MLIP: variants seen among roughly 807,000 people sequenced by gnomAD.
MLIP encodes muscular LMNA interacting protein, also known as muscular LMNA-interacting protein.
In MLIP, 79 loss-of-function variants were observed where a neutral mutation model predicts 84.8. The observed-to-expected ratio is 0.93, with a 90% CI of 0.78 to 1.12. The LOEUF is 1.12. MLIP is among the 50% of genes most tolerant of loss of function. MLIP has a pLI of 0.00. For missense variants in MLIP, 1,257 were observed against 1,160.6 expected (o/e 1.08, Z -1.21); for synonymous variants, 504 against 463.0 (o/e 1.09, Z -1.14).
chr6:54,212,584 C>A (rs1209996728), intron 11 of MLIP, among the ~76,000 whole-genome samples: 1 of 152,174 alleles, frequency 6.6e-6, no homozygotes, highest in East Asian at 1.9e-4. Context: ...CATGGGCTTG[C>A]CCCCGCCCCT....
intron 4 of MLIP, among the ~76,000 whole-genome samples, chr6:54,143,279 G>A (rs527373723): frequency 2.0e-5 from 3 of 150,050 alleles, no homozygotes; most frequent in East Asian, 3.9e-4. Flanking sequence ...GTGCAATGGC[G>A]CAATCTCGGC....
chr6:54,065,907 T>A (rs1452424557), intron 1 of MLIP, among the ~76,000 whole-genome samples: 1 of 99,986 alleles, frequency 1.0e-5, no homozygotes, highest in African/African-American at 2.6e-5. Flanking sequence ...TAGTCTTTTT[T>A]TTGATAAACT....
chr6:54,221,497 A>G (rs1040455891), intron 11 of MLIP, among the ~76,000 whole-genome samples: 1 of 152,048 alleles, frequency 6.6e-6, no homozygotes, highest in African/African-American at 2.4e-5. Context: ...CAAAATGGGC[A>G]GGTTGAATTC....
At chr6:54,246,287 C>A (rs771926886) in intron 12 of MLIP, among the ~76,000 whole-genome samples, 1 of 152,124 alleles carries the variant, frequency 6.6e-6, no homozygotes, top group Non-Finnish European at 1.5e-5. Flanking sequence ...AAGTCCAACA[C>A]TGGAAAATCT....
At chr6:54,021,821 C>G (rs1473154815) in intron 1 of MLIP, among the ~76,000 whole-genome samples, 1 of 152,164 alleles carries the variant, frequency 6.6e-6, no homozygotes, top group Non-Finnish European at 1.5e-5. Flanking sequence ...TGAAATTTCT[C>G]ATAATTTGGT....
At chr6:54,206,454 C>G (rs1214549195) in intron 11 of MLIP, among the ~76,000 whole-genome samples, 1 of 151,838 alleles carries the variant, frequency 6.6e-6, no homozygotes, top group Non-Finnish European at 1.5e-5. Context: ...CACTTTCCAG[C>G]ATGTATGCCT....
chr6:54,239,366 TA>T (rs1781572875), intron 12 of MLIP, among the ~76,000 whole-genome samples: 7 of 146,730 alleles, frequency 4.8e-5, no homozygotes, highest in South Asian at 4.2e-4. Flanking sequence ...CATATATATA[TA>T]ATATATATAT....
chr6:54,164,425 A>C (rs1037259353), intron 8 of MLIP, among the ~76,000 whole-genome samples: 2 of 151,944 alleles, frequency 1.3e-5, no homozygotes, highest in Admixed American at 1.3e-4. Flanking sequence ...CCTGTATTAC[A>C]TTCTTTGTTG....
intron 11 of MLIP, among the ~76,000 whole-genome samples, chr6:54,225,659 A>C (rs1184485020): frequency 6.6e-6 from 1 of 152,234 alleles, no homozygotes; most frequent in Admixed American, 6.5e-5. Context: ...AACAGAACTC[A>C]GTAGAACATT....
chr6:54,181,900 T>C (rs1776909674), intron 9 of MLIP, among the ~76,000 whole-genome samples: 1 of 152,206 alleles, frequency 6.6e-6, no homozygotes. Flanking sequence ...CAAAGTCCTC[T>C]TTACTCTTCA....
rs557472382 is a variant in MLIP at position 54,124,753 on chromosome 6, C to T, written c.533C>T (p.Ser178Leu). 3.3e-5 allele frequency: 54 copies of T among 1,614,214 alleles called. No individual in the cohort carries two copies. The South Asian group carries it at 3.8e-4, about 11-fold the overall frequency. Reference sequence around the variant, plus strand: ...GTCCGGCCCAAGTCTCTAGCTATCTCGTCCAGTCTGGTCTCTGATGTAGTG... The same window carrying T: ...GTCCGGCCCAAGTCTCTAGCTATCTTGTCCAGTCTGGTCTCTGATGTAGTG... Reference protein sequence around the residue: ...AAVRPKSLAISSSLVSDVVRP... With the variant: ...AAVRPKSLAILSSLVSDVVRP... The change falls in exon 3 of 14, where the codon TCG becomes TTG. Residue 178 changes from serine (S) to leucine (L), a missense_variant. By Grantham distance (145) the Ser-to-Leu change is moderately radical (BLOSUM62 -2). Coordinates refer to ENST00000502396, the MANE Select transcript of MLIP (RefSeq NM_001281747.2).
At chr6:54,105,531 A>G (rs1768947313) in intron 1 of MLIP, among the ~76,000 whole-genome samples, 1 of 152,234 alleles carries the variant, frequency 6.6e-6, no homozygotes. Flanking sequence ...TGCTACAGAA[A>G]TAGCAGTAAC....
Position 54,136,944 on chromosome 6 carries a change from G to A in MLIP, c.875G>A (p.Gly292Asp). ...AHSTPFSASK[G>D]TSSTLLFPHS... ...TCTACACCCTTTTCTGCATCGAAGG[G>A]CACCTCCTCGACGTTACTGTTTCCC... is the stretch of plus-strand genomic sequence containing the variant. The change falls in exon 4 of 14, where the codon GGC becomes GAC. Residue 292 changes from glycine to aspartate, a missense_variant. Gly to Asp is a moderately conservative substitution (Grantham distance 94). Coordinates refer to ENST00000502396, the MANE Select transcript of MLIP (RefSeq NM_001281747.2). The A allele has an allele frequency of 1.3e-6, 2 of 1,535,918 alleles. No homozygotes were observed. Among genetic ancestry groups the A allele is most frequent in the Non-Finnish European group, 1.7e-6 (2 of 1,146,832 alleles).
intron 11 of MLIP, among the ~76,000 whole-genome samples, chr6:54,228,232 C>T (rs1259210863): frequency 5.4e-5 from 7 of 129,800 alleles, no homozygotes; most frequent in Admixed American, 1.5e-4. Context: ...AAAAAAGAAA[C>T]AGGAGATCGA....
intron 9 of MLIP, among the ~76,000 whole-genome samples, chr6:54,187,731 T>C (rs1227391782): frequency 2.0e-5 from 3 of 152,282 alleles, no homozygotes; most frequent in South Asian, 2.1e-4. Context: ...TGCTTAACTA[T>C]AGGGAGATGG....
At chr6:54,164,251 A>G (rs1277944831) in intron 8 of MLIP, among the ~76,000 whole-genome samples, 2 of 151,872 alleles carry the variant, frequency 1.3e-5, no homozygotes, top group Non-Finnish European at 1.5e-5. Context: ...ATTTATTCCC[A>G]CATGGGACTC....
At chr6:54,094,063 G>A (rs560425297) in intron 1 of MLIP, among the ~76,000 whole-genome samples, 1 of 152,038 alleles carries the variant, frequency 6.6e-6, no homozygotes, top group East Asian at 1.9e-4. Flanking sequence ...TTATTATGTT[G>A]GTAATGATAG....
At chr6:54,260,605 GGA>G (rs1401381565) in intron 13 of MLIP, among the ~76,000 whole-genome samples, 14 of 151,968 alleles carry the variant, frequency 9.2e-5, no homozygotes, top group Middle Eastern at 3.4e-3. Flanking sequence ...AGTAAAAGTA[GGA>G]GGATCATGAA....
intron 11 of MLIP, among the ~76,000 whole-genome samples, chr6:54,219,374 T>A (rs2150767087): frequency 7.0e-6 from 1 of 143,170 alleles, no homozygotes; most frequent in Admixed American, 6.9e-5. Flanking sequence ...TTTAAACTTT[T>A]TTTTTTTTTT....
Sources: allele counts gnomAD v4.1 joint callset (sites outside exome capture counted in the v4.1 genomes callset), GRCh38; gene constraint gnomAD v4.1.1; transcripts MANE v1.5; gene names NCBI Gene and HGNC (gene_info 2026-07-23, HGNC 2026-07-21).